Variants in MGST1 observed in about 807,000 individuals in gnomAD.
MGST1 encodes microsomal glutathione S-transferase 1, also known as glutathione S-transferase 12.
In MGST1, 5 loss-of-function variants were observed where a neutral mutation model predicts 8.9. The ratio of observed to expected loss-of-function variants is 0.56; its 90% CI spans 0.29 to 1.19. The LOEUF (loss-of-function observed/expected upper bound fraction) is 1.19, where lower values mean the gene tolerates loss of function less well. MGST1 is among the 50% of genes most tolerant of loss of function. MGST1 has a pLI of 0.08. For synonymous variants in MGST1, 54 were observed against 67.8 expected (o/e 0.80, Z 1.00); for missense variants, 182 against 187.4 (o/e 0.97, Z 0.17).
chr12:16,464,453 T>C (rs1275906177), intron 4 of MGST1, among the ~76,000 whole-genome samples: 2 of 152,206 alleles, frequency 1.3e-5, no homozygotes, highest in South Asian at 2.1e-4. Context: ...ATAATATGAT[T>C]GAAAAATTTA....
intron 4 of MGST1, among the ~76,000 whole-genome samples, chr12:16,523,989 A>G (rs1941665639): frequency 6.6e-6 from 1 of 152,112 alleles, no homozygotes; most frequent in African/African-American, 2.4e-5. Context: ...TGTCCTACTA[A>G]GTTACAATTT....
chr12:16,478,187 G>A (rs555535988), intron 4 of MGST1, among the ~76,000 whole-genome samples: 5 of 152,078 alleles, frequency 3.3e-5, no homozygotes, highest in African/African-American at 7.2e-5. Context: ...GTGCCACCAC[G>A]CCCAGCTAAT....
intron 4 of MGST1, among the ~76,000 whole-genome samples, chr12:16,472,657 T>C (rs911063092): frequency 2.0e-5 from 3 of 152,222 alleles, no homozygotes; most frequent in African/African-American, 7.2e-5. Context: ...CTTTTCAGTA[T>C]TTGTTTTTAT....
chr12:16,400,592 C>T (rs1940646432), intron 1 of MGST1: 3 of 1,035,478 alleles, frequency 2.9e-6, no homozygotes, highest in African/African-American at 1.6e-5. Flanking sequence ...AAGGCTGGTA[C>T]TGTCTGTTCC....
intron 4 of MGST1, among the ~76,000 whole-genome samples, chr12:16,464,422 A>C (rs1941241104): frequency 6.6e-6 from 1 of 152,168 alleles, no homozygotes; most frequent in Non-Finnish European, 1.5e-5. Flanking sequence ...TTTCACCCTC[A>C]CTGTGATTTA....
At chr12:16,418,973 A>G (rs1372491059) in intron 1 of MGST1, among the ~76,000 whole-genome samples, 1 of 152,076 alleles carries the variant, frequency 6.6e-6, no homozygotes, top group African/African-American at 2.4e-5. Context: ...CGAGTCCTAA[A>G]TTGGAAGAAG....
At chr12:16,519,932 T>G (rs1714959592) in intron 4 of MGST1, among the ~76,000 whole-genome samples, 1 of 152,188 alleles carries the variant, frequency 6.6e-6, no homozygotes, top group East Asian at 1.9e-4. Flanking sequence ...AGCAATTTCA[T>G]GTGGTACAAT....
intron 1 of MGST1, among the ~76,000 whole-genome samples, chr12:16,429,074 A>G (rs1462741908): frequency 6.6e-6 from 1 of 152,078 alleles, no homozygotes; most frequent in Non-Finnish European, 1.5e-5. Context: ...ATAACAATAA[A>G]CATTGTTAAA....
At chr12:16,366,280 T>C (rs1940186434), downstream of MGST1, among the ~76,000 whole-genome samples, 1 of 151,484 alleles carries the variant, frequency 6.6e-6, no homozygotes. The surrounding 1 kb of genome is among the most constrained non-coding windows in gnomAD (Gnocchi z 4.0). Context: ...AAAAACAATT[T>C]AGAATAGTTT....
At chr12:16,506,701 G>A (rs2137174185) in intron 4 of MGST1, among the ~76,000 whole-genome samples, 1 of 152,236 alleles carries the variant, frequency 6.6e-6, no homozygotes, top group Admixed American at 6.5e-5. Flanking sequence ...CCATGGCAAA[G>A]TTGAATAGTT....
intron 1 of MGST1, among the ~76,000 whole-genome samples, chr12:16,414,161 C>G (rs73066134): frequency 0.036 from 5,501 of 151,784 alleles, 138 homozygotes; most frequent in South Asian, 0.06. Context: ...CTTTCATGCT[C>G]TCTTTATTCC....
chr12:16,400,561 C>T lies in MGST1; in HGVS notation n.778+16957C>T, dbSNP rs144499966. 5.9e-3 allele frequency: 5,324 copies of T among 903,412 alleles called. 168 individuals carry two copies. The East Asian group carries it at 0.077, about 13-fold the overall frequency. The allele number at this position is 903,412 out of a possible 1,614,324, so 56.0% of individuals were successfully genotyped here. ...ACGTTTCTGTACTTCTTTAATAATT[C>T]GGAAAGCATTCTGAAGGTTCAAGGC... is the stretch of plus-strand genomic sequence containing the variant. On this transcript the variant is annotated intron_variant and non_coding_transcript_variant, in intron 1 of 1. Transcript: ENST00000359720.
At chr12:16,352,138 G>C (rs1034466579) in intron 1 of MGST1, among the ~76,000 whole-genome samples, 1 of 152,276 alleles carries the variant, frequency 6.6e-6, no homozygotes, top group East Asian at 1.9e-4. Context: ...TGTGAAATGG[G>C]TATAGTTATG....
In MGST1 at chr12:16,500,966, T is replaced by C. The variant is rs1201301620; in HGVS notation, n.483-88562T>C. ...TGAAAATACAAAAAACTTAGCTGGG[T>C]ATGGTGGTGTGCACCTGTAGTCCCA... On this transcript the variant is annotated intron_variant and non_coding_transcript_variant, in intron 4 of 4. Transcript: ENST00000538857. This position sits in a 1 kb window ranked among gnomAD's most constrained non-coding sequence, Gnocchi z 4.3. Among the ~76,000 whole-genome samples the C allele has an allele frequency of 6.6e-6, 1 of 151,730 alleles. No individual in the cohort carries two copies. The highest frequency in any genetic ancestry group is 2.4e-5 in the African/African-American group (1 of 41,302).
chr12:16,392,971 G>A (rs542304615), intron 1 of MGST1, among the ~76,000 whole-genome samples: 11 of 152,084 alleles, frequency 7.2e-5, no homozygotes, highest in Non-Finnish European at 1.6e-4. Flanking sequence ...CCTTAGAAAT[G>A]CACTCCCAGC....
intron 1 of MGST1, among the ~76,000 whole-genome samples, chr12:16,419,499 A>G (rs1565450735): frequency 6.6e-6 from 1 of 152,150 alleles, no homozygotes; most frequent in Admixed American, 6.6e-5. Flanking sequence ...AATCTCGACA[A>G]TGAACTTTCT....
intron 4 of MGST1, among the ~76,000 whole-genome samples, chr12:16,469,321 G>A (rs1862838271): frequency 6.6e-6 from 1 of 151,698 alleles, no homozygotes; most frequent in Non-Finnish European, 1.5e-5. Flanking sequence ...AAGTAGCTGC[G>A]ACTACAGGCA....
At chr12:16,454,099 A>T (rs945483046) in intron 4 of MGST1, among the ~76,000 whole-genome samples, 1 of 151,944 alleles carries the variant, frequency 6.6e-6, no homozygotes, top group African/African-American at 2.4e-5. Context: ...GCCCAGAGGA[A>T]TCAGGTGACT....
At chr12:16,501,973 A>G (rs999453609) in intron 4 of MGST1, among the ~76,000 whole-genome samples, 2 of 152,154 alleles carry the variant, frequency 1.3e-5, no homozygotes, top group African/African-American at 4.8e-5. Context: ...CAAATAATAA[A>G]CTTTATCAAT....
Sources: allele counts gnomAD v4.1 joint callset (sites outside exome capture counted in the v4.1 genomes callset), GRCh38; gene constraint gnomAD v4.1.1; non-coding constraint Gnocchi (gnomAD v3.1); transcripts MANE v1.5; gene names NCBI Gene and HGNC (gene_info 2026-07-23, HGNC 2026-07-21).